Variants in ACSS1 observed in about 807,000 individuals in gnomAD.
The protein encoded by ACSS1 is acetyl-coenzyme A synthetase 2-like, mitochondrial.
Under a neutral mutation model 75.3 loss-of-function variants are expected in ACSS1, and 42 were observed. The ratio of observed to expected loss-of-function variants is 0.56; its 90% confidence interval spans 0.44 to 0.72. The LOEUF (loss-of-function observed/expected upper bound fraction) is 0.72, where lower values mean the gene tolerates loss of function less well. Ranked by LOEUF, ACSS1 falls within the 30% of genes least tolerant of loss-of-function variation. ACSS1 has a pLI of 0.00. For missense variants in ACSS1, 782 were observed against 935.7 expected (o/e 0.84, Z 2.14); for synonymous variants, 380 against 376.8 (o/e 1.01, Z -0.10).
At chr20:25,057,677 C>A in intron 1 of ACSS1, 92 bp downstream of exon 1, 1 of 1,333,044 alleles carries the variant, frequency 7.5e-7, no homozygotes, top group Non-Finnish European at 1.0e-6. Flanking sequence ...GCGATCCGCG[C>A]TGCCCGGGGA....
At chr20:25,038,605 G>C (rs559186653) in intron 2 of ACSS1, among the ~76,000 whole-genome samples, 1 of 152,136 alleles carries the variant, frequency 6.6e-6, no homozygotes, top group Non-Finnish European at 1.5e-5. Flanking sequence ...CCGTGTCGCC[G>C]GCTCAGGGCA....
At chr20:25,048,607 G>A (rs2122753525) in intron 1 of ACSS1, among the ~76,000 whole-genome samples, 1 of 152,274 alleles carries the variant, frequency 6.6e-6, no homozygotes, top group East Asian at 1.9e-4. Flanking sequence ...CTGTTTCAGG[G>A]CTTGGCTCCT....
intron 2 of ACSS1, among the ~76,000 whole-genome samples, chr20:25,040,476 G>A (rs2088982484): frequency 6.6e-6 from 1 of 152,212 alleles, no homozygotes; most frequent in Non-Finnish European, 1.5e-5. Context: ...ACCTGCCTCG[G>A]GCCCAGCGAC....
At position 25,030,742 on chromosome 20, in the gene ACSS1, C is replaced by G; in HGVS notation, c.631+17G>C. The G allele has an allele frequency of 6.2e-7, 1 of 1,613,460 alleles. No homozygotes were observed. The highest frequency in any genetic ancestry group is 8.5e-7 in the Non-Finnish European group (1 of 1,179,754). ...GGGAACTCCAGGGTTCCTCCCTCCC[C>G]ATGCCCACCTCCTCACCATCATTGA... On this transcript the variant is annotated intron_variant, in intron 3 of 13. Coordinates refer to ENST00000323482, the MANE Select transcript of ACSS1 (RefSeq NM_032501.4).
In ACSS1 at chr20:25,007,087, C is replaced by T; in HGVS notation, c.*675G>A. 7.0e-7 allele frequency: 1 copy of T among 1,422,258 alleles called. No homozygotes were observed. The highest frequency in any genetic ancestry group is 2.6e-5 in the East Asian group (1 of 39,192). 88.1% of individuals were successfully genotyped at this position (1,422,258 alleles called of 1,614,324 possible). A position where few individuals can be genotyped will look rare whatever the true frequency, so the allele number is the denominator to read the frequency against. ...TATACACAACCAAGCACAGGAGAAA[C>T]ACTCACCAGGAAAAGATGCCGGAGG... is the stretch of plus-strand genomic sequence containing the variant. On this transcript the variant is annotated 3_prime_UTR_variant, in exon 14 of 14. Transcript: ENST00000323482.
At chr20:25,017,017 G>A (rs187606021) in intron 7 of ACSS1, among the ~76,000 whole-genome samples, 1 of 150,490 alleles carries the variant, frequency 6.6e-6, no homozygotes, top group African/African-American at 2.5e-5. Flanking sequence ...AGAGAGACAA[G>A]GATCTTGCTC....
At chr20:25,022,884 C>T (rs2088647550) in intron 5 of ACSS1, 56 bp downstream of exon 5, 1 of 1,531,208 alleles carries the variant, frequency 6.5e-7, no homozygotes, top group Non-Finnish European at 8.8e-7. Context: ...GACTTCCAGC[C>T]CTGCCCCTGC....
At chr20:25,055,696 G>A (rs1568853077) in intron 1 of ACSS1, among the ~76,000 whole-genome samples, 1 of 152,234 alleles carries the variant, frequency 6.6e-6, no homozygotes, top group Non-Finnish European at 1.5e-5. Flanking sequence ...CTGCAGGTCT[G>A]AAGACCATGC....
At position 25,022,955 on chromosome 20, in the gene ACSS1, G is replaced by A. The variant is rs145655214; in HGVS notation, c.945C>T (p.Ala315=). 316 of 1,613,348 alleles carry A rather than the reference G, an allele frequency of 2.0e-4. 4 individuals carry two copies. The African/African-American group carries it at 2.4e-3, about 12-fold the overall frequency. Reference sequence around the variant, plus strand: ...AGGCCTGTACCTTGTGAGTCAGGGCGGCATAGAGCAGGTAGCCTGCCTGGG... The same window carrying A: ...AGGCCTGTACCTTGTGAGTCAGGGCAGCATAGAGCAGGTAGCCTGCCTGGG... ...VHTQAGYLLY[A]ALTHKLVFDH... is the part of the protein sequence containing the mutation. Residue 315 remains alanine (A), a synonymous_variant, in exon 5 of 14, where the codon GCC becomes GCT. Coordinates refer to ENST00000323482, the MANE Select transcript of ACSS1 (RefSeq NM_032501.4).
At chr20:25,013,696 A>G in intron 9 of ACSS1, 34 bp from the exon 10 acceptor site, 1 of 1,574,912 alleles carries the variant, frequency 6.3e-7, no homozygotes, top group Non-Finnish European at 8.6e-7. Context: ...GAGACAGGGC[A>G]GGCTCTGGGT....
At chr20:25,054,472 G>C (rs2122774412) in intron 1 of ACSS1, among the ~76,000 whole-genome samples, 1 of 152,368 alleles carries the variant, frequency 6.6e-6, no homozygotes, top group Admixed American at 6.5e-5. Context: ...TGTGCTGATA[G>C]ATACTCCCAT....
chr20:25,019,438 C>T (rs1009424969), intron 7 of ACSS1, among the ~76,000 whole-genome samples: 1 of 152,262 alleles, frequency 6.6e-6, no homozygotes, highest in African/African-American at 2.4e-5. Context: ...GGCAAAAGTG[C>T]AGGATGGTAT....
chr20:25,032,383 G>C lies in ACSS1; in HGVS notation c.432-1425C>G, dbSNP rs758553860. 3.6e-6 allele frequency: 5 copies of C among 1,395,812 alleles called. No homozygotes were observed. The African/African-American group carries it at 5.8e-5, about 16-fold the overall frequency. The allele number at this position is 1,395,812 out of a possible 1,614,324, so 86.5% of individuals were successfully genotyped here. On this transcript the variant is annotated intron_variant, in intron 2 of 13. Coordinates refer to ENST00000323482, the MANE Select transcript of ACSS1 (RefSeq NM_032501.4). Reference sequence around the variant, plus strand: ...CGCCAACTTGCCGGCCATGCGGTGCGAAGTGGAGGAAGTGGAAGCGATCCC... The same window carrying C: ...CGCCAACTTGCCGGCCATGCGGTGCCAAGTGGAGGAAGTGGAAGCGATCCC...
In ACSS1 at chr20:25,048,124, T is replaced by C. The variant is rs1311091002; in HGVS notation, c.392A>G (p.Glu131Gly). The C allele has an allele frequency of 6.2e-7, 1 of 1,613,430 alleles. No homozygotes were observed. Among genetic ancestry groups the C allele is most frequent in the East Asian group, 2.2e-5 (1 of 44,832 alleles). ...CACTTCCGTTCCAGGCTCATCGCGCTCCCAGATCAAAGCAACGCTCTCGGG... is the reference window on the plus strand; with the variant it reads ...CACTTCCGTTCCAGGCTCATCGCGCCCCCAGATCAAAGCAACGCTCTCGGG... ...KSPESVALIW[E>G]RDEPGTEVRI... The change falls in exon 2 of 14, where the codon GAG (glutamate) becomes GGG (glycine). Residue 131 changes from glutamate to glycine, a missense_variant. Transcript: ENST00000323482.
chr20:25,057,485 G>C (rs2089259044), intron 1 of ACSS1, among the ~76,000 whole-genome samples: 1 of 152,228 alleles, frequency 6.6e-6, no homozygotes, highest in Non-Finnish European at 1.5e-5. Context: ...GCCGAGCGAG[G>C]AGCCGCGCCG....
At chr20:25,033,026 A>G (rs1477630767) in intron 2 of ACSS1, among the ~76,000 whole-genome samples, 2 of 152,164 alleles carry the variant, frequency 1.3e-5, no homozygotes, top group East Asian at 1.9e-4. Flanking sequence ...TAAAAGACGG[A>G]ACACTCCCCC....
chr20:25,037,918 CAGA>C (rs1314095790), intron 2 of ACSS1, among the ~76,000 whole-genome samples: 1 of 152,248 alleles, frequency 6.6e-6, no homozygotes, highest in African/African-American at 2.4e-5. Context: ...GCTGAGAGAA[CAGA>C]AGACCAGGAA....
intron 2 of ACSS1, among the ~76,000 whole-genome samples, chr20:25,031,669 C>T (rs1293987118): frequency 6.6e-6 from 1 of 152,176 alleles, no homozygotes; most frequent in Non-Finnish European, 1.5e-5. Context: ...CTTTTCACTG[C>T]GCTCTGCCAC....
intron 1 of ACSS1, among the ~76,000 whole-genome samples, chr20:25,053,812 C>T (rs1482344330): frequency 6.6e-6 from 1 of 152,228 alleles, no homozygotes; most frequent in African/African-American, 2.4e-5. Flanking sequence ...GATTTTTACA[C>T]TCTTGCTTAA....
Sources: gnomAD v4.1 joint callset for allele counts (sites outside exome capture counted in the v4.1 genomes callset) on GRCh38, gnomAD v4.1.1 for gene constraint, MANE v1.5 for transcripts, NCBI Gene and HGNC (gene_info 2026-07-23, HGNC 2026-07-21) for gene names.